Variants in KCNS3 observed in about 807,000 individuals in gnomAD.
KCNS3 encodes delayed-rectifier potassium channel regulatory subunit KCNS3.
Under a neutral mutation model 31.0 loss-of-function variants are expected in KCNS3, and 13 were observed. That is an observed-to-expected ratio of 0.42 (90% CI 0.27 to 0.67). The LOEUF is 0.67. Ranked by LOEUF, KCNS3 falls within the 30% of genes least tolerant of loss-of-function variation. The pLI, the probability that KCNS3 is intolerant of heterozygous loss-of-function variation, is 0.25. For missense variants in KCNS3, 545 were observed against 622.4 expected (o/e 0.88, Z 1.32); for synonymous variants, 238 against 241.5 (o/e 0.99, Z 0.13).
chr2:17,913,337 T>G (rs918569158), intron 1 of KCNS3, among the ~76,000 whole-genome samples: 3 of 152,266 alleles, frequency 2.0e-5, no homozygotes, highest in Non-Finnish European at 4.4e-5. Flanking sequence ...TCCACAAGGT[T>G]GGAACTTCGG....
chr2:17,930,281 A>G (rs1662927447), intron 2 of KCNS3, among the ~76,000 whole-genome samples: 1 of 152,232 alleles, frequency 6.6e-6, no homozygotes, highest in South Asian at 2.1e-4. Flanking sequence ...TGTTCCTGAA[A>G]CACCATCCCA....
chr2:17,932,422 A>G lies in KCNS3; in HGVS notation c.1414A>G (p.Ser472Gly). 1 of 1,614,120 alleles carries G rather than the reference A, an allele frequency of 6.2e-7. No individual in the cohort carries two copies. Among genetic ancestry groups the G allele is most frequent in the East Asian group, 2.2e-5 (1 of 44,872 alleles). The change falls in exon 3 of 3, where the codon AGC becomes GGC. Residue 472 changes from serine to glycine, a missense_variant. Coordinates refer to ENST00000304101, the MANE Select transcript of KCNS3 (RefSeq NM_002252.5). ...CGATCCTGACTCCACAGATGCTTCA[A>G]GCATTGAAGACAATGAGGACATTTG... ...VSDPDSTDASSIEDNEDICNT... is the reference protein window; with the variant it reads ...VSDPDSTDASGIEDNEDICNT...
Position 17,932,397 on chromosome 2 carries a change from C to T in KCNS3, c.1389C>T (p.Ser463=), listed in dbSNP as rs776349440. ...TSLSSVGIVV[S]DPDSTDASSI... is the part of the protein sequence containing the mutation. ...TCTCTTCTGTAGGCATTGTGGTGAG[C>T]GATCCTGACTCCACAGATGCTTCAA... Residue 463 remains serine, a synonymous_variant, in exon 3 of 3, where the codon AGC becomes AGT. Coordinates refer to ENST00000304101, the MANE Select transcript of KCNS3 (RefSeq NM_002252.5). The T allele has an allele frequency of 5.1e-5, 83 of 1,613,856 alleles. No individual in the cohort carries two copies. The highest frequency in any genetic ancestry group is 6.6e-5 in the South Asian group (6 of 91,068).
chr2:17,902,738 T>C (rs1449363518), intron 1 of KCNS3, among the ~76,000 whole-genome samples: 1 of 152,214 alleles, frequency 6.6e-6, no homozygotes, highest in Non-Finnish European at 1.5e-5. Context: ...CCACGTACAC[T>C]TACTCATGAG....
At chr2:17,928,948 T>G (rs1301762233) in intron 2 of KCNS3, among the ~76,000 whole-genome samples, 1 of 152,240 alleles carries the variant, frequency 6.6e-6, no homozygotes, top group Admixed American at 6.5e-5. Context: ...TGTGTGTCCA[T>G]GTCCTTGCCA....
At position 17,931,873 on chromosome 2, in the gene KCNS3, G is replaced by C; in HGVS notation, c.865G>C (p.Val289Leu). The C allele has an allele frequency of 6.2e-7, 1 of 1,614,162 alleles. No homozygotes were observed. Among genetic ancestry groups the C allele is most frequent in the South Asian group, 1.1e-5 (1 of 91,078 alleles). ...GGATATTGAGAACATGGGCAAGGTGGTCCAGATCCTACGGCTTATGAGGAT... is the reference window on the plus strand; with the variant it reads ...GGATATTGAGAACATGGGCAAGGTGCTCCAGATCCTACGGCTTATGAGGAT... ...SEDIENMGKV[V>L]QILRLMRIFR... The change falls in exon 3 of 3, where the codon GTC becomes CTC. Residue 289 changes from valine (V) to leucine (L), a missense_variant. Transcript: ENST00000304101. This position sits in a 1 kb window ranked among gnomAD's most constrained non-coding sequence, Gnocchi z 5.4.
chr2:17,911,022 C>A (rs570739594), intron 1 of KCNS3, among the ~76,000 whole-genome samples: 1 of 152,104 alleles, frequency 6.6e-6, no homozygotes, highest in African/African-American at 2.4e-5. Flanking sequence ...GCCTTCTTAC[C>A]CTTACCTGGC....
chr2:17,931,808 A>G lies in KCNS3; in HGVS notation c.800A>G (p.Tyr267Cys), dbSNP rs749761161. Residue 267 changes from tyrosine (Y) to cysteine (C), a missense_variant, in exon 3 of 3, where the codon TAT becomes TGT. By Grantham distance (194) the Tyr-to-Cys change is radical. Coordinates refer to ENST00000304101, the MANE Select transcript of KCNS3 (RefSeq NM_002252.5). This position sits in a 1 kb window ranked among gnomAD's most constrained non-coding sequence, Gnocchi z 5.4. ...IIDFVSIIPF[Y>C]ATLAVDTKEE... Reference sequence around the variant, plus strand: ...GACTTTGTCTCTATTATTCCCTTCTATGCCACGTTGGCTGTAGACACCAAG... The same window carrying G: ...GACTTTGTCTCTATTATTCCCTTCTGTGCCACGTTGGCTGTAGACACCAAG... 5.0e-6 allele frequency: 8 copies of G among 1,614,152 alleles called. No individual in the cohort carries two copies. Among genetic ancestry groups the G allele is most frequent in the East Asian group, 4.5e-5 (2 of 44,878 alleles).
rs1663015938 is a variant in KCNS3 at position 17,932,306 on chromosome 2, A to G, written c.1298A>G (p.His433Arg). ...QCSEDAPEKC[H>R]ELPYFNIRDI... Reference sequence around the variant, plus strand: ...AGTGAGGATGCACCAGAGAAGTGTCATGAGCTACCTTACTTTAACATTAGG... The same window carrying G: ...AGTGAGGATGCACCAGAGAAGTGTCGTGAGCTACCTTACTTTAACATTAGG... The change falls in exon 3 of 3, where the codon CAT (histidine) becomes CGT (arginine). Residue 433 changes from histidine to arginine, a missense_variant. Physicochemically the swap from His to Arg is conservative, Grantham distance 29. Transcript: ENST00000304101. 1.2e-6 allele frequency: 2 copies of G among 1,614,118 alleles called. No homozygotes were observed. Among genetic ancestry groups the G allele is most frequent in the Non-Finnish European group, 1.7e-6 (2 of 1,179,976 alleles).
At chr2:17,929,295 G>T (rs551275710) in intron 2 of KCNS3, among the ~76,000 whole-genome samples, 130 of 152,266 alleles carry the variant, frequency 8.5e-4, no homozygotes, top group African/African-American at 3.0e-3. Context: ...AGTTCTGCAG[G>T]CTGTACAGGA....
intron 1 of KCNS3, among the ~76,000 whole-genome samples, chr2:17,913,007 C>T (rs1662505938): frequency 6.6e-6 from 1 of 152,158 alleles, no homozygotes; most frequent in Admixed American, 6.5e-5. Flanking sequence ...TAGTCATGCC[C>T]TGTCTGAATC....
intron 1 of KCNS3, among the ~76,000 whole-genome samples, chr2:17,914,997 T>C (rs954868668): frequency 1.3e-5 from 2 of 152,178 alleles, no homozygotes; most frequent in African/African-American, 2.4e-5. Flanking sequence ...TGTTCCAAGA[T>C]TGGGTGTCAG....
At chr2:17,904,327 T>G (rs915803402) in intron 1 of KCNS3, among the ~76,000 whole-genome samples, 6 of 152,196 alleles carry the variant, frequency 3.9e-5, no homozygotes, top group African/African-American at 1.4e-4. Context: ...TCTTGTAAAT[T>G]TGTTGGAGTT....
rs539998444 is a variant in KCNS3, at chr2:17,923,982, T to G, written c.-60+6111T>G. ...ATTGCCATTTAACAATAATAAATCT[T>G]TCAATCCGTGAACATTGGGTGTCTT... On this transcript the variant is annotated intron_variant, in intron 2 of 2. Coordinates refer to ENST00000304101, the MANE Select transcript of KCNS3 (RefSeq NM_002252.5). Among the ~76,000 whole-genome samples, 6 of 152,164 alleles carry G rather than the reference T, an allele frequency of 3.9e-5. No homozygotes were observed. The South Asian group carries it at 6.2e-4, about 16-fold the overall frequency.
chr2:17,885,429 G>A (rs1234541923), intron 1 of KCNS3, among the ~76,000 whole-genome samples: 1 of 152,226 alleles, frequency 6.6e-6, no homozygotes, highest in East Asian at 1.9e-4. Context: ...AGAACCAATA[G>A]GCTGTGCATA....
intron 1 of KCNS3, among the ~76,000 whole-genome samples, chr2:17,911,635 T>C (rs1455431312): frequency 6.6e-6 from 1 of 152,226 alleles, no homozygotes; most frequent in Non-Finnish European, 1.5e-5. Context: ...TGGTATATAT[T>C]CTCATTTACT....
intron 2 of KCNS3, among the ~76,000 whole-genome samples, chr2:17,923,229 G>A (rs1370436780): frequency 6.6e-6 from 1 of 152,116 alleles, no homozygotes; most frequent in Non-Finnish European, 1.5e-5. Context: ...ATGATGTTGA[G>A]CATCTTTTCA....
At chr2:17,908,227 T>C (rs1662383467) in intron 1 of KCNS3, among the ~76,000 whole-genome samples, 1 of 152,232 alleles carries the variant, frequency 6.6e-6, no homozygotes, top group Admixed American at 6.5e-5. Flanking sequence ...CAATCACTGA[T>C]ACCCTTTCTT....
chr2:17,910,619 G>A (rs1662447632), intron 1 of KCNS3, among the ~76,000 whole-genome samples: 1 of 151,988 alleles, frequency 6.6e-6, no homozygotes, highest in South Asian at 2.1e-4. Context: ...GGCACACCCA[G>A]TGGAAGTGTC....
Sources: allele counts gnomAD v4.1 joint callset (sites outside exome capture counted in the v4.1 genomes callset), GRCh38; gene constraint gnomAD v4.1.1; non-coding constraint Gnocchi (gnomAD v3.1); transcripts MANE v1.5; gene names NCBI Gene and HGNC (gene_info 2026-07-23, HGNC 2026-07-21).